Variants in SUMF1 observed in about 807,000 individuals in gnomAD.
SUMF1 encodes the protein formylglycine-generating enzyme.
Under a neutral mutation model 47.6 loss-of-function variants are expected in SUMF1, and 48 were observed. The ratio of observed to expected loss-of-function variants is 1.01; its 90% CI spans 0.80 to 1.28. The LOEUF (loss-of-function observed/expected upper bound fraction) is 1.28. Ranked by LOEUF, SUMF1 falls within the 50% of genes most tolerant of loss-of-function variation. The probability of loss-of-function intolerance (pLI) is 0.00; values close to 1 mark genes in which losing one functional copy is unlikely to be tolerated. For missense variants in SUMF1, 571 were observed against 485.4 expected (o/e 1.18, Z -1.66); for synonymous variants, 230 against 192.1 (o/e 1.20, Z -1.63).
chr3:4,170,942 T>C (rs1045277916), intron 8 of SUMF1, among the ~76,000 whole-genome samples: 4 of 152,108 alleles, frequency 2.6e-5, no homozygotes, highest in South Asian at 2.1e-4. Context: ...TTTTATAAGA[T>C]GGAAAAGTTG....
chr3:4,386,648 A>G (rs1700682893), intron 7 of SUMF1, among the ~76,000 whole-genome samples: 1 of 152,052 alleles, frequency 6.6e-6, no homozygotes, highest in African/African-American at 2.4e-5. Flanking sequence ...GTTGAATAAG[A>G]GTTCTGGAAA....
chr3:4,186,376 T>G lies in SUMF1; in HGVS notation c.1015-117631A>C, dbSNP rs190081705. ...TGGTAATGGGGGGAGGTGAGCTGCA[T>G]TGGAAGATAATTATATACAGAGGAG... On this transcript the variant is annotated intron_variant and NMD_transcript_variant, in intron 8 of 12. Transcript: ENST00000448413. Among the ~76,000 whole-genome samples the G allele has an allele frequency of 1.0e-3, 157 of 152,198 alleles. 2 individuals are homozygous for G. The highest frequency in any genetic ancestry group is 3.6e-3 in the African/African-American group (149 of 41,522).
At chr3:4,374,890 A>T (rs930830656) in intron 8 of SUMF1, among the ~76,000 whole-genome samples, 15 of 152,230 alleles carry the variant, frequency 9.9e-5, no homozygotes, top group African/African-American at 3.6e-4. Flanking sequence ...GGCCGGGCAC[A>T]GTGGCTGATG....
intron 9 of SUMF1, among the ~76,000 whole-genome samples, chr3:4,058,417 G>A (rs1252719759): frequency 2.6e-5 from 4 of 152,064 alleles, no homozygotes; most frequent in African/African-American, 2.4e-5. Context: ...TAAGGAATGA[G>A]GAGGAAAAAG....
intron 8 of SUMF1, among the ~76,000 whole-genome samples, chr3:4,141,820 G>T (rs768967746): frequency 1.3e-5 from 2 of 152,066 alleles, no homozygotes; most frequent in African/African-American, 4.8e-5. Flanking sequence ...CAATCCATAG[G>T]GAACTTTTGA....
intron 1 of SUMF1, among the ~76,000 whole-genome samples, chr3:4,456,638 G>GTA (rs57047204): frequency 4.9e-4 from 63 of 127,644 alleles, no homozygotes; most frequent in East Asian, 1.7e-3. Flanking sequence ...ATATATACGT[G>GTA]TATATATATA....
chr3:4,073,469 A>G (rs1280407281), intron 8 of SUMF1, among the ~76,000 whole-genome samples: 1 of 152,220 alleles, frequency 6.6e-6, no homozygotes, highest in Non-Finnish European at 1.5e-5. Flanking sequence ...TGACAGGATC[A>G]GATTCACACA....
chr3:4,090,817 C>G (rs944526059), intron 8 of SUMF1, among the ~76,000 whole-genome samples: 1 of 152,052 alleles, frequency 6.6e-6, no homozygotes, highest in Admixed American at 6.6e-5. Flanking sequence ...TAAATATATA[C>G]ATAGTTCACA....
intron 9 of SUMF1, among the ~76,000 whole-genome samples, chr3:4,048,054 T>C (rs1695037826): frequency 6.6e-6 from 1 of 152,244 alleles, no homozygotes; most frequent in East Asian, 1.9e-4. Flanking sequence ...TTGATTAGGG[T>C]CTGTTTCATT....
chr3:4,202,903 T>G (rs1695571034), intron 8 of SUMF1, among the ~76,000 whole-genome samples: 1 of 152,000 alleles, frequency 6.6e-6, no homozygotes, highest in Non-Finnish European at 1.5e-5. Flanking sequence ...CTCTTCCTAT[T>G]GATTTCTAGT....
rs115327159 is a variant in SUMF1 at position 4,064,519 on chromosome 3, A to C, written c.1191+4050T>G. On this transcript the variant is annotated intron_variant and NMD_transcript_variant, in intron 9 of 12. Transcript: ENST00000448413. Reference sequence around the variant, plus strand: ...ATAAGTATACTCAGTTGAGCCACCCATACTCTGCCTATGGAGTAGGCATTC... The same window carrying C: ...ATAAGTATACTCAGTTGAGCCACCCCTACTCTGCCTATGGAGTAGGCATTC... Among the ~76,000 whole-genome samples the C allele has an allele frequency of 4.9e-3, 741 of 152,234 alleles. 7 individuals carry two copies. The highest frequency in any genetic ancestry group is 0.017 in the African/African-American group (710 of 41,536).
intron 8 of SUMF1, among the ~76,000 whole-genome samples, chr3:4,145,593 C>T (rs1340064350): frequency 6.6e-6 from 1 of 152,116 alleles, no homozygotes; most frequent in Admixed American, 6.5e-5. Flanking sequence ...TGTCTCTGTG[C>T]ATAATGCAGG....
At chr3:4,382,315 T>TACACAC (rs1559261420) in intron 7 of SUMF1, among the ~76,000 whole-genome samples, 2 of 143,332 alleles carry the variant, frequency 1.4e-5, no homozygotes, top group African/African-American at 5.6e-5. Context: ...ATTACTCTTA[T>TACACAC]ACATACACAC....
At chr3:4,217,567 G>A (rs1239903389) in intron 8 of SUMF1, among the ~76,000 whole-genome samples, 1 of 77,100 alleles carries the variant, frequency 1.3e-5, no homozygotes, top group Non-Finnish European at 2.8e-5. Flanking sequence ...GACTAACTGT[G>A]ACACCTTCAG....
chr3:4,339,191 G>C (rs1699217506), intron 8 of SUMF1, among the ~76,000 whole-genome samples: 1 of 152,016 alleles, frequency 6.6e-6, no homozygotes, highest in African/African-American at 2.4e-5. Context: ...TTCCTCTCTT[G>C]GGACACCTCC....
intron 3 of SUMF1, among the ~76,000 whole-genome samples, chr3:4,446,572 C>T (rs1043777917): frequency 5.9e-5 from 9 of 152,292 alleles, no homozygotes; most frequent in Middle Eastern, 6.8e-3. Flanking sequence ...GCATCAACAG[C>T]CGCTAACATT....
At chr3:4,220,042 G>C (rs1696026804) in intron 8 of SUMF1, among the ~76,000 whole-genome samples, 1 of 152,130 alleles carries the variant, frequency 6.6e-6, no homozygotes, top group Admixed American at 6.6e-5. Flanking sequence ...AAACAGGATG[G>C]GAGGGAAAGA....
At chr3:4,281,762 T>G (rs975969715) in intron 8 of SUMF1, among the ~76,000 whole-genome samples, 1 of 151,912 alleles carries the variant, frequency 6.6e-6, no homozygotes, top group Non-Finnish European at 1.5e-5. Flanking sequence ...AATAAACCAA[T>G]AAAAGTTATT....
chr3:4,462,307 T>C (rs938458379), intron 1 of SUMF1, among the ~76,000 whole-genome samples: 1 of 152,184 alleles, frequency 6.6e-6, no homozygotes, highest in Non-Finnish European at 1.5e-5. Context: ...TTGCTGGAGC[T>C]ACCAGGAAAG....
Sources: gnomAD v4.1 joint callset for allele counts (sites outside exome capture counted in the v4.1 genomes callset) on GRCh38, gnomAD v4.1.1 for gene constraint, MANE v1.5 for transcripts, NCBI Gene and HGNC (gene_info 2026-07-23, HGNC 2026-07-21) for gene names.